Variants in DYNC2H1 observed in about 807,000 individuals in gnomAD.
DYNC2H1 encodes dynein cytoplasmic 2 heavy chain 1.
A neutral mutation model predicts 570.0 loss-of-function variants in DYNC2H1; 410 were observed. That is an observed-to-expected ratio of 0.72 (90% CI 0.66 to 0.78). The LOEUF is 0.78. Among genes scored for constraint, DYNC2H1 ranks in the 30% least tolerant of loss-of-function variants. DYNC2H1 has a pLI of 0.00. For synonymous variants in DYNC2H1, 1,688 were observed against 1,677.6 expected, an observed-to-expected ratio of 1.01 and a Z score of -0.15; for missense variants, 4,865 against 5,046.4, an observed-to-expected ratio of 0.96 and a Z score of 1.09.
intron 40 of DYNC2H1, among the ~76,000 whole-genome samples, chr11:103,183,949 T>G (rs981998313): frequency 6.6e-6 from 1 of 152,000 alleles, no homozygotes; most frequent in Non-Finnish European, 1.5e-5. Flanking sequence ...GTCTGATAAA[T>G]TCTGCACTCT....
chr11:103,381,953 T>A (rs1591655729), intron 83 of DYNC2H1, among the ~76,000 whole-genome samples: 1 of 152,226 alleles, frequency 6.6e-6, no homozygotes. Context: ...CCTGGTATTC[T>A]GAAAAATTCA....
In DYNC2H1 at chr11:103,228,621, C is replaced by T. The variant is rs552287806; in HGVS notation, c.9354-2639C>T. Among the ~76,000 whole-genome samples the T allele has an allele frequency of 3.3e-4, 49 of 150,112 alleles. 1 individual carries two copies. The highest frequency in any genetic ancestry group is 6.9e-4 in the Non-Finnish European group (46 of 66,988). On this transcript the variant is annotated intron_variant, in intron 59 of 88. Coordinates refer to ENST00000375735, the MANE Select transcript of DYNC2H1 (RefSeq NM_001377.3). The surrounding 1 kb of genome is among the most constrained non-coding windows in gnomAD (Gnocchi z 6.1). ...GGAATGAAGTGAACTCTGTGATGGT[C>T]ATTGGTTGTGTTTTTGTTTAGTGTG...
At position 103,472,954 on chromosome 11, in the gene DYNC2H1, A is replaced by C. The variant is rs1389670225; in HGVS notation, c.12765+4249A>C. 6.6e-6 allele frequency among the ~76,000 whole-genome samples: 1 copy of C among 152,132 alleles called. No individual in the cohort carries two copies. The highest frequency in any genetic ancestry group is 2.4e-5 in the African/African-American group (1 of 41,430). On this transcript the variant is annotated intron_variant, in intron 88 of 88. Transcript: ENST00000375735. This position sits in a 1 kb window ranked among gnomAD's most constrained non-coding sequence, Gnocchi z 4.1. ...CAGTCATTTGCACAACATTGCTTTGAGTTAGGCTGCAGCTCCATTTTTCAG... is the reference window on the plus strand; with the variant it reads ...CAGTCATTTGCACAACATTGCTTTGCGTTAGGCTGCAGCTCCATTTTTCAG...
intron 83 of DYNC2H1, among the ~76,000 whole-genome samples, chr11:103,398,426 T>G (rs988712464): frequency 6.6e-6 from 1 of 152,180 alleles, no homozygotes; most frequent in Admixed American, 6.5e-5. Context: ...TGAATCTGCT[T>G]TTAGGAATGA....
intron 72 of DYNC2H1, among the ~76,000 whole-genome samples, chr11:103,282,791 C>T (rs1047803230): frequency 6.6e-6 from 1 of 151,868 alleles, no homozygotes; most frequent in African/African-American, 2.4e-5. Flanking sequence ...AAAGATTAAG[C>T]ACAATGAAAA....
Position 103,253,380 on chromosome 11 carries a change from C to G in DYNC2H1, c.10138C>G (p.Pro3380Ala). 6.2e-7 allele frequency: 1 copy of G among 1,613,256 alleles called. No individual in the cohort carries two copies. Among genetic ancestry groups the G allele is most frequent in the Non-Finnish European group, 8.5e-7 (1 of 1,179,482 alleles). The change falls in exon 66 of 89, where the codon CCA (proline) becomes GCA (alanine). Residue 3380 changes from proline to alanine, a missense_variant. Transcript: ENST00000375735. ...AACAAGAAACCCAAATCCTTTTATTCCACCGGATGCAGCTTCCATTGTTAC... is the reference window on the plus strand; with the variant it reads ...AACAAGAAACCCAAATCCTTTTATTGCACCGGATGCAGCTTCCATTGTTAC... Reference protein sequence around the residue: ...LSTRNPNPFIPPDAASIVTEV... With the variant: ...LSTRNPNPFIAPDAASIVTEV...
Position 103,373,474 on chromosome 11 carries a change from T to A in DYNC2H1, c.12156+15115T>A, listed in dbSNP as rs1419849176. 2.6e-5 allele frequency among the ~76,000 whole-genome samples: 4 copies of A among 152,324 alleles called. No individual in the cohort carries two copies. The East Asian group carries it at 7.7e-4, about 29-fold the overall frequency. On this transcript the variant is annotated intron_variant, in intron 83 of 88. Coordinates refer to ENST00000375735, the MANE Select transcript of DYNC2H1 (RefSeq NM_001377.3). The stretch of plus-strand genomic sequence containing the variant: ...ATTGACCCACTGGTTATTAGGGGCA[T>A]GTTGTTTTGTTTCCATGTATTTTTA...
Position 103,305,363 on chromosome 11 carries a change from G to C in DYNC2H1, c.11382+643G>C, listed in dbSNP as rs960579441. Reference sequence around the variant, plus strand: ...ATCAGCACAAGTAGAGATAGTGTTGGGGATGTCCACCCCTAGTACAAGGAA... The same window carrying C: ...ATCAGCACAAGTAGAGATAGTGTTGCGGATGTCCACCCCTAGTACAAGGAA... On this transcript the variant is annotated intron_variant, in intron 77 of 88. Transcript: ENST00000375735. This position sits in a 1 kb window ranked among gnomAD's most constrained non-coding sequence, Gnocchi z 4.3. Among the ~76,000 whole-genome samples, 2 of 152,082 alleles carry C rather than the reference G, an allele frequency of 1.3e-5. No homozygotes were observed. Among genetic ancestry groups the C allele is most frequent in the African/African-American group, 2.4e-5 (1 of 41,434 alleles).
At position 103,142,302 on chromosome 11, in the gene DYNC2H1, G is replaced by A. The variant is rs139964682; in HGVS notation, c.2575-966G>A. ...GCAGAAATCACCTGTCTTCTGCGTC[G>A]CCCACGCTGGGAACTGTAGATGGGA... On this transcript the variant is annotated intron_variant, in intron 17 of 88. Coordinates refer to ENST00000375735, the MANE Select transcript of DYNC2H1 (RefSeq NM_001377.3). Among the ~76,000 whole-genome samples the A allele has an allele frequency of 9.2e-3, 1,395 of 152,280 alleles. 9 individuals are homozygous for A. Among genetic ancestry groups the A allele is most frequent in the Non-Finnish European group, 0.016 (1,078 of 68,020 alleles).
At position 103,363,615 on chromosome 11, in the gene DYNC2H1, T is replaced by G. The variant is rs1270604466; in HGVS notation, c.12156+5256T>G. ...TTTTAACAGCTAGAATTTTAGAATT[T>G]TCCTGTTAGGGATCATTAGGAAAAA... On this transcript the variant is annotated intron_variant, in intron 83 of 88. Transcript: ENST00000375735. The surrounding 1 kb of genome is among the most constrained non-coding windows in gnomAD (Gnocchi z 5.6). Among the ~76,000 whole-genome samples the G allele has an allele frequency of 1.3e-5, 2 of 152,234 alleles. No individual in the cohort carries two copies. The highest frequency in any genetic ancestry group is 2.9e-5 in the Non-Finnish European group (2 of 68,032).
chr11:103,343,357 G>A (rs1210663220), intron 82 of DYNC2H1, among the ~76,000 whole-genome samples: 2 of 152,060 alleles, frequency 1.3e-5, no homozygotes, highest in Non-Finnish European at 2.9e-5. Context: ...GGCTAGTCTC[G>A]CTTCTAAAAA....
rs1938371726 is a variant in DYNC2H1, at chr11:103,324,575, T to A, written c.12039+585T>A. ...CTTTTCTTATGTTGCATATTCCATGTTGTCTATGTATCACATTTTCTTTAT... is the reference window on the plus strand; with the variant it reads ...CTTTTCTTATGTTGCATATTCCATGATGTCTATGTATCACATTTTCTTTAT... On this transcript the variant is annotated intron_variant, in intron 82 of 88. Transcript: ENST00000375735. This position sits in a 1 kb window ranked among gnomAD's most constrained non-coding sequence, Gnocchi z 5.2. 6.6e-6 allele frequency among the ~76,000 whole-genome samples: 1 copy of A among 152,214 alleles called. No homozygotes were observed. The highest frequency in any genetic ancestry group is 1.5e-5 in the Non-Finnish European group (1 of 68,030).
intron 84 of DYNC2H1, among the ~76,000 whole-genome samples, chr11:103,412,906 A>G (rs1164943973): frequency 6.6e-6 from 1 of 152,124 alleles, no homozygotes; most frequent in African/African-American, 2.4e-5. Context: ...TTCCTCTACC[A>G]TGGCCCTCTT....
intron 67 of DYNC2H1, 35 bp downstream of exon 67, chr11:103,255,569 A>G (rs967863819): frequency 1.5e-5 from 23 of 1,499,252 alleles, no homozygotes; most frequent in Non-Finnish European, 1.9e-5. Context: ...CTTTTTTCGT[A>G]TTACTTTTTT....
intron 11 of DYNC2H1, 117 bp from the exon 12 acceptor site, chr11:103,124,983 T>G (rs1239161882): frequency 3.0e-6 from 2 of 670,964 alleles, no homozygotes; most frequent in East Asian, 3.3e-5. Context: ...AATTAAAAAG[T>G]TTTTTTTTAC....
At chr11:103,195,172 AT>A (rs1862471121) in intron 47 of DYNC2H1, among the ~76,000 whole-genome samples, 1 of 152,192 alleles carries the variant, frequency 6.6e-6, no homozygotes, top group Non-Finnish European at 1.5e-5. Flanking sequence ...TTTTTATATA[AT>A]TTTGTGAAGC....
intron 86 of DYNC2H1, 79 bp from the exon 87 acceptor site, chr11:103,456,196 G>A (rs1780757035): frequency 9.6e-7 from 1 of 1,041,170 alleles, no homozygotes; most frequent in Non-Finnish European, 1.4e-6. Flanking sequence ...TAAATAAATA[G>A]GACTATATCT....
chr11:103,204,893 A>C lies in DYNC2H1; in HGVS notation c.8383A>C (p.Ser2795Arg). The change falls in exon 52 of 89, where the codon AGT (serine) becomes CGT (arginine). Residue 2795 changes from serine to arginine, a missense_variant. Physicochemically the swap from Ser to Arg is moderately radical, Grantham distance 110. Transcript: ENST00000375735. This position sits in a 1 kb window ranked among gnomAD's most constrained non-coding sequence, Gnocchi z 4.1. ...TTCAAACTTCATGATAAACTGTGAG[A>C]GTAATCCAGCTTTGCATAAGAAATG... is the stretch of plus-strand genomic sequence containing the variant. ...ANSNFMINCE[S>R]NPALHKKCQV... 4.4e-6 allele frequency: 7 copies of C among 1,594,038 alleles called. No homozygotes were observed. Among genetic ancestry groups the C allele is most frequent in the Non-Finnish European group, 6.0e-6 (7 of 1,168,974 alleles).
intron 38 of DYNC2H1, among the ~76,000 whole-genome samples, 158 bp from the exon 39 acceptor site, chr11:103,178,868 T>G (rs556538947): frequency 2.0e-5 from 3 of 152,200 alleles, no homozygotes; most frequent in African/African-American, 7.2e-5. Flanking sequence ...GATATATATC[T>G]GAGTCTTTGG....
Sources: gnomAD v4.1 joint callset for allele counts (sites outside exome capture counted in the v4.1 genomes callset) on GRCh38, gnomAD v4.1.1 for gene constraint, Gnocchi (gnomAD v3.1) non-coding constraint, MANE v1.5 for transcripts, NCBI Gene and HGNC (gene_info 2026-07-23, HGNC 2026-07-21) for gene names.